The following LRRTM4 variants were observed in gnomAD, a reference collection of about 807,000 sequenced individuals.
LRRTM4 encodes the protein leucine rich repeat transmembrane neuronal 4, also known as leucine-rich repeat transmembrane neuronal protein 4.
In LRRTM4, 25 loss-of-function variants were observed where a neutral mutation model predicts 47.6. That is an observed-to-expected ratio of 0.53 (90% CI 0.38 to 0.73). The LOEUF is 0.73. LRRTM4 is among the 30% of genes least tolerant of loss of function. The pLI is 0.00. For synonymous variants in LRRTM4, 311 were observed against 269.5 expected (o/e 1.15, Z -1.51); for missense variants, 638 against 713.4 (o/e 0.89, Z 1.20).
At chr2:76,913,900 T>C (rs968090367) in intron 3 of LRRTM4, among the ~76,000 whole-genome samples, 1 of 152,106 alleles carries the variant, frequency 6.6e-6, no homozygotes, top group Non-Finnish European at 1.5e-5. Context: ...ATAATCATAG[T>C]GATAGGAAAC....
intron 3 of LRRTM4, among the ~76,000 whole-genome samples, chr2:76,764,288 A>G (rs980774777): frequency 1.3e-5 from 2 of 152,220 alleles, no homozygotes; most frequent in East Asian, 1.9e-4. Flanking sequence ...TGTTCTAAAG[A>G]GAACAATAAG....
At chr2:77,043,308 T>G (rs1285657065) in intron 3 of LRRTM4, among the ~76,000 whole-genome samples, 1 of 151,792 alleles carries the variant, frequency 6.6e-6, no homozygotes, top group Non-Finnish European at 1.5e-5. Context: ...TCAGCGTGCT[T>G]AAATTTTCTC....
chr2:77,003,483 G>A (rs1332735132), intron 3 of LRRTM4, among the ~76,000 whole-genome samples: 2 of 152,082 alleles, frequency 1.3e-5, no homozygotes, highest in Non-Finnish European at 2.9e-5. Context: ...TAGTGAGTAA[G>A]TCTCAAGAGA....
At chr2:77,067,224 G>T (rs1283624328) in intron 3 of LRRTM4, among the ~76,000 whole-genome samples, 1 of 149,074 alleles carries the variant, frequency 6.7e-6, no homozygotes, top group Non-Finnish European at 1.5e-5. Context: ...ACTGAAGAAA[G>T]AAAAGAATGG....
At chr2:77,444,291 T>C (rs1675959800) in intron 3 of LRRTM4, among the ~76,000 whole-genome samples, 1 of 152,128 alleles carries the variant, frequency 6.6e-6, no homozygotes, top group South Asian at 2.1e-4. Context: ...GCAAGTCACA[T>C]AGTGACAAAG....
chr2:77,281,418 C>G (rs770543880), intron 3 of LRRTM4, among the ~76,000 whole-genome samples: 1 of 151,906 alleles, frequency 6.6e-6, no homozygotes, highest in Non-Finnish European at 1.5e-5. Context: ...ATATCAACAA[C>G]ATTGTCCTCT....
chr2:76,757,002 A>C (rs1194283785), intron 3 of LRRTM4, among the ~76,000 whole-genome samples: 1 of 152,116 alleles, frequency 6.6e-6, no homozygotes, highest in Non-Finnish European at 1.5e-5. Context: ...AAAATAATCT[A>C]ATTTATGGAA....
At chr2:77,090,845 G>T (rs1670602763) in intron 3 of LRRTM4, among the ~76,000 whole-genome samples, 2 of 152,120 alleles carry the variant, frequency 1.3e-5, no homozygotes, top group Non-Finnish European at 2.9e-5. Flanking sequence ...GCTGAAGACT[G>T]ACGCTGCCCG....
intron 3 of LRRTM4, among the ~76,000 whole-genome samples, chr2:77,033,037 C>T: frequency 6.6e-6 from 1 of 152,034 alleles, no homozygotes; most frequent in East Asian, 1.9e-4. Flanking sequence ...AAAGAAATAT[C>T]TCTCGGGACA....
At chr2:77,074,930 C>T (rs1217795498) in intron 3 of LRRTM4, among the ~76,000 whole-genome samples, 1 of 151,892 alleles carries the variant, frequency 6.6e-6, no homozygotes, top group East Asian at 1.9e-4. Flanking sequence ...TCCAAGATAA[C>T]AAGATATTTT....
intron 3 of LRRTM4, among the ~76,000 whole-genome samples, chr2:76,822,573 G>A (rs1671082118): frequency 6.6e-6 from 1 of 151,412 alleles, no homozygotes; most frequent in Admixed American, 6.6e-5. Context: ...TTCCAAGTGA[G>A]CTAAACCAAC....
intron 3 of LRRTM4, among the ~76,000 whole-genome samples, chr2:76,806,292 A>G (rs1173919496): frequency 6.6e-6 from 1 of 152,152 alleles, no homozygotes; most frequent in African/African-American, 2.4e-5. Flanking sequence ...ATATATGAAA[A>G]ATAAAACCGG....
intron 3 of LRRTM4, among the ~76,000 whole-genome samples, chr2:77,397,149 A>AT (rs1481671246): frequency 6.6e-6 from 1 of 151,920 alleles, no homozygotes; most frequent in African/African-American, 2.4e-5. Context: ...CTAGCTGATT[A>AT]TCAAAACAAG....
chr2:77,248,440 A>G (rs1324343446), intron 3 of LRRTM4, among the ~76,000 whole-genome samples: 1 of 152,094 alleles, frequency 6.6e-6, no homozygotes, highest in East Asian at 1.9e-4. Context: ...ATGGACAGAA[A>G]GACTTGATAT....
intron 3 of LRRTM4, among the ~76,000 whole-genome samples, chr2:77,247,021 A>C (rs1573136912): frequency 6.6e-6 from 1 of 152,062 alleles, no homozygotes; most frequent in Non-Finnish European, 1.5e-5. Context: ...ACTATTTTTA[A>C]TACTTTCAAA....
intron 3 of LRRTM4, among the ~76,000 whole-genome samples, chr2:77,343,079 C>T (rs1009738944): frequency 4.6e-5 from 7 of 151,928 alleles, no homozygotes; most frequent in African/African-American, 1.7e-4. Context: ...TTCACTATAT[C>T]CAGTCATCAT....
intron 3 of LRRTM4, among the ~76,000 whole-genome samples, chr2:77,192,190 C>A (rs1236432166): frequency 6.6e-6 from 1 of 151,936 alleles, no homozygotes; most frequent in Admixed American, 6.6e-5. Context: ...TGTTTAAAAC[C>A]TACATTTTTA....
chr2:76,991,431 G>C lies in LRRTM4; in HGVS notation c.1552-242515C>G, dbSNP rs1030359361. Among the ~76,000 whole-genome samples the C allele has an allele frequency of 2.0e-5, 3 of 151,294 alleles. No individual in the cohort carries two copies. The East Asian group carries it at 5.8e-4, about 29-fold the overall frequency. On this transcript the variant is annotated intron_variant, in intron 3 of 3. Transcript: ENST00000409884. ...CAAAGGAAAAAAGAAGATTGCCCAA[G>C]TAGAAACAACAAAGGTGACATTACA... is the stretch of plus-strand genomic sequence containing the variant.
At chr2:77,196,667 G>A (rs996185395) in intron 3 of LRRTM4, among the ~76,000 whole-genome samples, 1 of 152,134 alleles carries the variant, frequency 6.6e-6, no homozygotes, top group Non-Finnish European at 1.5e-5. Flanking sequence ...TTTAAATCCA[G>A]GAGGTGGAGG....
Sources: allele counts gnomAD v4.1 joint callset (sites outside exome capture counted in the v4.1 genomes callset), GRCh38; gene constraint gnomAD v4.1.1; transcripts MANE v1.5; gene names NCBI Gene and HGNC (gene_info 2026-07-23, HGNC 2026-07-21).